The following RABEP1 variants were observed in gnomAD, a reference collection of about 807,000 sequenced individuals.
RABEP1 encodes the protein rab GTPase-binding effector protein 1.
Under a neutral mutation model 123.4 loss-of-function variants are expected in RABEP1, and 51 were observed. The observed-to-expected ratio is 0.41, with a 90% confidence interval of 0.33 to 0.52. The LOEUF is 0.52. Ranked by LOEUF, RABEP1 falls within the 20% of genes least tolerant of loss-of-function variation. The pLI is 0.16. For missense variants in RABEP1, 888 were observed against 996.3 expected (o/e 0.89, Z 1.46); for synonymous variants, 347 against 355.2 (o/e 0.98, Z 0.26).
At chr17:5,368,617 C>G in intron 12 of RABEP1, 149 bp downstream of exon 12, 1 of 564,912 alleles carries the variant, frequency 1.8e-6, no homozygotes, top group Non-Finnish European at 3.1e-6. Flanking sequence ...TAATAATGGA[C>G]AAAATATTGT....
At chr17:5,378,519 A>G in intron 15 of RABEP1, 1 of 478,244 alleles carries the variant, frequency 2.1e-6, no homozygotes, top group South Asian at 2.2e-5. Context: ...AACATGTTAT[A>G]TGCTTAGAGG....
rs1383967223 is a variant in RABEP1, at chr17:5,378,250, A to G, written c.2271+18A>G. On this transcript the variant is annotated intron_variant, in intron 15 of 17. Transcript: ENST00000537505. ...AAGGACAGGTAAGTCGTGAGTTTCAAATTAATTCTATCAGCAACCAGTGGT... is the reference window on the plus strand; with the variant it reads ...AAGGACAGGTAAGTCGTGAGTTTCAGATTAATTCTATCAGCAACCAGTGGT... 1.9e-6 allele frequency: 3 copies of G among 1,554,698 alleles called. No homozygotes were observed. The highest frequency in any genetic ancestry group is 2.2e-5 in the East Asian group (1 of 44,588).
intron 1 of RABEP1, among the ~76,000 whole-genome samples, chr17:5,302,389 C>T (rs895804179): frequency 2.0e-5 from 3 of 151,434 alleles, no homozygotes; most frequent in African/African-American, 7.3e-5. Context: ...TACAGGCGTC[C>T]GCCACCATGC....
rs1056948978 is a variant in RABEP1, at chr17:5,368,260, A to G, written c.1786-110A>G. 6.7e-6 allele frequency: 5 copies of G among 750,470 alleles called. No homozygotes were observed. In the Admixed American group the frequency reaches 7.5e-5, roughly 11 times the overall value. 46.5% of individuals were successfully genotyped at this position (750,470 alleles called of 1,614,324 possible). A position where few individuals can be genotyped will look rare whatever the true frequency, so the allele number is the denominator to read the frequency against. ...TGTTGGATGATGGTCAGTGGTTCCC[A>G]TGAACAAATAAAATGTCAATTCCAG... On this transcript the variant is annotated intron_variant, in intron 11 of 17. Transcript: ENST00000537505.
chr17:5,369,312 GT>G (rs1306487718), intron 12 of RABEP1, among the ~76,000 whole-genome samples: 1 of 152,124 alleles, frequency 6.6e-6, no homozygotes, highest in Non-Finnish European at 1.5e-5. Context: ...CATTTGCTTT[GT>G]TTTTCCTTTC....
chr17:5,374,054 C>CT (rs1910769431), intron 13 of RABEP1, among the ~76,000 whole-genome samples: 4 of 152,244 alleles, frequency 2.6e-5, no homozygotes, highest in African/African-American at 9.6e-5. Flanking sequence ...CACCATCATG[C>CT]TGTCCATAAA....
intron 2 of RABEP1, among the ~76,000 whole-genome samples, chr17:5,316,296 A>C (rs561269292): frequency 6.6e-6 from 1 of 151,714 alleles, no homozygotes; most frequent in Non-Finnish European, 1.5e-5. Flanking sequence ...ACTAAAATAC[A>C]AAAAATTAGC....
At chr17:5,367,313 C>T (rs140727713) in intron 11 of RABEP1, among the ~76,000 whole-genome samples, 2,516 of 151,350 alleles carry the variant, frequency 0.017, 60 homozygotes, top group African/African-American at 0.057. Context: ...GCTGTGTCGC[C>T]CAGGCTAGAG....
rs190477300 is a variant in RABEP1 at position 5,336,630 on chromosome 17, C to T, written c.528+1286C>T. ...TTTTTAAAGGTTTTGTTTATGATGA[C>T]ATTCAGCACTTGGAATTGTGAAGTC... On this transcript the variant is annotated intron_variant, in intron 4 of 17. Coordinates refer to ENST00000537505, the MANE Select transcript of RABEP1 (RefSeq NM_004703.6). 20 of 354,414 alleles carry T rather than the reference C, an allele frequency of 5.6e-5. No individual in the cohort carries two copies. The East Asian group carries it at 1.2e-3, about 22-fold the overall frequency. The allele number at this position is 354,414 out of a possible 1,614,324, so 22.0% of individuals were successfully genotyped here.
chr17:5,379,120 T>G (rs546856833), intron 15 of RABEP1, among the ~76,000 whole-genome samples: 1 of 152,310 alleles, frequency 6.6e-6, no homozygotes, highest in East Asian at 1.9e-4. Flanking sequence ...TTCCTCACAG[T>G]GGCAGTTTCA....
Position 5,384,832 on chromosome 17 carries a change from A to G in RABEP1, c.*1609A>G, listed in dbSNP as rs1412810982. On this transcript the variant is annotated 3_prime_UTR_variant, in exon 18 of 18. Transcript: ENST00000537505. ...GTTTAGATAAAGGAAACATATAACT[A>G]TTGAGTTACAGGGGATTTTATTAAT... The G allele has an allele frequency of 4.6e-6, 1 of 217,258 alleles. No homozygotes were observed. The highest frequency in any genetic ancestry group is 9.2e-6 in the Non-Finnish European group (1 of 108,400). The allele number at this position is 217,258 out of a possible 1,614,324, so 13.5% of individuals were successfully genotyped here.
intron 2 of RABEP1, among the ~76,000 whole-genome samples, chr17:5,328,127 A>G (rs1317109255): frequency 6.6e-6 from 1 of 152,232 alleles, no homozygotes; most frequent in Non-Finnish European, 1.5e-5. Flanking sequence ...GACGTAAGTA[A>G]AGATGTAACA....
chr17:5,300,017 C>T (rs141721482), intron 1 of RABEP1, among the ~76,000 whole-genome samples: 309 of 152,140 alleles, frequency 2.0e-3, no homozygotes, highest in African/African-American at 6.8e-3. Context: ...CATCAGCCAC[C>T]GTGCCTGGCC....
In RABEP1 at chr17:5,366,002, A is replaced by G. The variant is rs536268908; in HGVS notation, c.1785+764A>G. Reference sequence around the variant, plus strand: ...AATTTTTGTATAGGGCGTGGTGGACATGTTTCTGCAGGATATGTAACTAGG... The same window carrying G: ...AATTTTTGTATAGGGCGTGGTGGACGTGTTTCTGCAGGATATGTAACTAGG... On this transcript the variant is annotated intron_variant, in intron 11 of 17. Coordinates refer to ENST00000537505, the MANE Select transcript of RABEP1 (RefSeq NM_004703.6). 1.8e-4 allele frequency among the ~76,000 whole-genome samples: 28 copies of G among 152,320 alleles called. No homozygotes were observed. The South Asian group carries it at 1.9e-3, about 10-fold the overall frequency.
chr17:5,325,514 G>A (rs1160327376), intron 2 of RABEP1, among the ~76,000 whole-genome samples: 1 of 152,142 alleles, frequency 6.6e-6, no homozygotes, highest in Non-Finnish European at 1.5e-5. Flanking sequence ...TGGTACGAAG[G>A]TCAGGGAAAG....
chr17:5,382,643 TTGGGAGGC>T (rs202175594), intron 17 of RABEP1, among the ~76,000 whole-genome samples: 3,589 of 152,014 alleles, frequency 0.024, 45 homozygotes, highest in Non-Finnish European at 0.036. Flanking sequence ...TCCCAGCTAC[TTGGGAGGC>T]TGAGACAGGA....
intron 2 of RABEP1, among the ~76,000 whole-genome samples, chr17:5,314,260 T>TTTTTTTTTTTTTTTTC (rs2075273566): frequency 7.1e-6 from 1 of 141,512 alleles, no homozygotes; most frequent in Non-Finnish European, 1.5e-5. Flanking sequence ...TTTTTTTTTT[T>TTTTTTTTTTTTTTTTC]GAGATGGAGT....
chr17:5,294,633 C>CTTTTTTTTTTTTTTTTT lies in RABEP1; in HGVS notation c.34+12129_34+12145dup, dbSNP rs1185209680. 2.3e-4 allele frequency among the ~76,000 whole-genome samples: 12 copies of CTTTTTTTTTTTTTTTTT among 53,026 alleles called. 4 individuals carry two copies. The highest frequency in any genetic ancestry group is 3.1e-4 in the Non-Finnish European group (9 of 29,086). 34.8% of individuals were successfully genotyped at this position (53,026 alleles called of 152,430 possible). A position where few individuals can be genotyped will look rare whatever the true frequency, so the allele number is the denominator to read the frequency against. On this transcript the variant is annotated intron_variant, in intron 1 of 17. Transcript: ENST00000537505. ...AGATACTGAGGGAAAACGGTATTGT[C>CTTTTTTTTTTTTTTTTT]TTTTTTTTTTTTTTTTTTTTTTTTT...
chr17:5,332,865 C>T (rs767341423), intron 3 of RABEP1, among the ~76,000 whole-genome samples: 5 of 152,056 alleles, frequency 3.3e-5, no homozygotes, highest in Non-Finnish European at 7.4e-5. Flanking sequence ...CTGCCTCGGC[C>T]TCCCAAAGTC....
Sources: gnomAD v4.1 joint callset for allele counts (sites outside exome capture counted in the v4.1 genomes callset) on GRCh38, gnomAD v4.1.1 for gene constraint, MANE v1.5 for transcripts, NCBI Gene and HGNC (gene_info 2026-07-23, HGNC 2026-07-21) for gene names.